S1PR5: variants seen among roughly 807,000 people sequenced by gnomAD.
S1PR5 encodes the protein sphingosine 1-phosphate receptor 5.
For synonymous variants in S1PR5, 307 were observed against 284.7 expected, an observed-to-expected ratio of 1.08 and a Z score of -0.79; for missense variants, 583 against 571.7, an observed-to-expected ratio of 1.02 and a Z score of -0.20.
At chr19:10,517,702 G>A, upstream of S1PR5, 1 of 985,670 alleles carries the variant, frequency 1.0e-6, no homozygotes, top group East Asian at 1.1e-4. Flanking sequence ...GGGAGGACTC[G>A]GAGAGGCGGG....
At chr19:10,515,050 G>T (rs1329796486) in intron 1 of S1PR5, 21 bp from the exon 2 acceptor site, 2 of 1,512,936 alleles carry the variant, frequency 1.3e-6, no homozygotes. Flanking sequence ...GGCAAGATAC[G>T]GTGTCAGGCC....
chr19:10,514,242 A>G lies in S1PR5; in HGVS notation c.770T>C (p.Leu257Pro), dbSNP rs533821555. 3 of 1,602,958 alleles carry G rather than the reference A, an allele frequency of 1.9e-6. No homozygotes were observed. Among genetic ancestry groups the G allele is most frequent in the South Asian group, 2.2e-5 (2 of 90,110 alleles). ...LALLRTLSVV[L>P]LAFVACWGPL... is the part of the protein sequence containing the mutation. ...GCCCCAACATGCCACAAAGGCCAGG[A>G]GCACCACGCTGAGCGTGCGCAGCAA... Residue 257 changes from leucine (L) to proline (P), a missense_variant, in exon 2 of 2, where the codon CTC (leucine) becomes CCC (proline). By Grantham distance (98) the Leu-to-Pro change is moderately conservative (BLOSUM62 -3). Coordinates refer to ENST00000333430, the MANE Select transcript of S1PR5 (RefSeq NM_030760.5).
rs567379303 is a variant in S1PR5, at chr19:10,514,332, G to A, written c.680C>T (p.Pro227Leu). ...GGTCCCCGCAGTCCCGGGCCGTGCC[G>A]GCAGGCGCCGCGCGTTGGCGCGTAC... ...CQVRANARRL[P>L]ARPGTAGTTS... Residue 227 changes from proline to leucine, a missense_variant, in exon 2 of 2, where the codon CCG becomes CTG. By Grantham distance (98) the Pro-to-Leu change is moderately conservative (BLOSUM62 -3). Transcript: ENST00000333430. 6 of 1,564,338 alleles carry A rather than the reference G, an allele frequency of 3.8e-6. No individual in the cohort carries two copies. The South Asian group carries it at 5.8e-5, about 15-fold the overall frequency.
In S1PR5 at chr19:10,513,997, C is replaced by T; in HGVS notation, c.1015G>A (p.Ala339Thr). The T allele has an allele frequency of 1.2e-6, 2 of 1,603,436 alleles. No individual in the cohort carries two copies. Among genetic ancestry groups the T allele is most frequent in the South Asian group, 1.1e-5 (1 of 90,480 alleles). The change falls in exon 2 of 2, where the codon GCG (alanine) becomes ACG (threonine). Residue 339 changes from alanine (A) to threonine (T), a missense_variant. By Grantham distance (58) the Ala-to-Thr change is moderately conservative. Coordinates refer to ENST00000333430, the MANE Select transcript of S1PR5 (RefSeq NM_030760.5). The stretch of plus-strand genomic sequence containing the variant: ...CCCCCGGAAGCCTCAGCCGCGCTCG[C>T]CGACTGCTGGGAGCCACTCGGGTCT... ...GRDPSGSQQSASAAEASGGLR... is the reference protein window; with the variant it reads ...GRDPSGSQQSTSAAEASGGLR...
At chr19:10,517,524 C>G (rs1214846983), upstream of S1PR5, 12 of 985,404 alleles carry the variant, frequency 1.2e-5, no homozygotes, top group African/African-American at 2.1e-4. Flanking sequence ...GGCCGGCGGT[C>G]GCCAGCAGTT....
chr19:10,515,620 C>T (rs1040129157), intron 1 of S1PR5, among the ~76,000 whole-genome samples: 9 of 151,704 alleles, frequency 5.9e-5, no homozygotes, highest in African/African-American at 2.2e-4. Context: ...CTCAAAACAC[C>T]CCCCCTCCCC....
rs1456604488 is a variant in S1PR5 at position 10,514,959 on chromosome 19, T to C, written c.53A>G (p.His18Arg). ...PAPVSEVIVL[H>R]YNYTGKLRGA... ...GCGGAGCTTGCCGGTGTAGTTGTAA[T>C]GCAGGACGATGACCTCGCTCACCGG... Residue 18 changes from histidine (H) to arginine (R), a missense_variant, in exon 2 of 2, where the codon CAT becomes CGT. Coordinates refer to ENST00000333430, the MANE Select transcript of S1PR5 (RefSeq NM_030760.5). 2 of 1,598,278 alleles carry C rather than the reference T, an allele frequency of 1.3e-6. No homozygotes were observed. The highest frequency in any genetic ancestry group is 1.7e-5 in the Admixed American group (1 of 59,346).
rs758065591 is a variant in S1PR5 at position 10,513,808 on chromosome 19, G to T, written c.*7C>A. 1.2e-6 allele frequency: 2 copies of T among 1,611,972 alleles called. No homozygotes were observed. The highest frequency in any genetic ancestry group is 2.2e-5 in the East Asian group (1 of 44,786). On this transcript the variant is annotated 3_prime_UTR_variant, in exon 2 of 2. Coordinates refer to ENST00000333430, the MANE Select transcript of S1PR5 (RefSeq NM_030760.5). ...AAACTTGGGAAGACAGTCGTGGGCC[G>T]AGGGTGTCAGTCTGCAGCCGGTTCT...
chr19:10,517,530 CA>C, upstream of S1PR5: 1 of 985,372 alleles, frequency 1.0e-6, no homozygotes. Context: ...CGGTCGCCAG[CA>C]GTTGCCCCCT....
Position 10,513,976 on chromosome 19 carries a change from C to T in S1PR5, c.1036G>A (p.Gly346Arg). The change falls in exon 2 of 2, where the codon GGG becomes AGG. Residue 346 changes from glycine to arginine, a missense_variant. Gly to Arg is a moderately radical substitution (Grantham distance 125). Transcript: ENST00000333430. The stretch of plus-strand genomic sequence containing the variant: ...GGGGGCAGGCAGCGGCGCAGGCCCC[C>T]GGAAGCCTCAGCCGCGCTCGCCGAC... ...QQSASAAEAS[G>R]GLRRCLPPGL... 6.2e-7 allele frequency: 1 copy of T among 1,600,028 alleles called. No homozygotes were observed.
At chr19:10,515,422 T>C (rs531250816) in intron 1 of S1PR5, among the ~76,000 whole-genome samples, 13 of 152,042 alleles carry the variant, frequency 8.6e-5, no homozygotes, top group African/African-American at 1.4e-4. Flanking sequence ...CCATCCTGGC[T>C]AACACGGTGA....
Position 10,514,316 on chromosome 19 carries a change from A to C in S1PR5, c.696T>G (p.Thr232=). The change falls in exon 2 of 2, where the codon ACT becomes ACG. Residue 232 remains threonine (T), a synonymous_variant. Transcript: ENST00000333430. ...NARRLPARPG[T]AGTTSTRARR... Reference sequence around the variant, plus strand: ...GCGCCCGGGTCGAGGTGGTCCCCGCAGTCCCGGGCCGTGCCGGCAGGCGCC... The same window carrying C: ...GCGCCCGGGTCGAGGTGGTCCCCGCCGTCCCGGGCCGTGCCGGCAGGCGCC... The C allele has an allele frequency of 5.7e-6, 9 of 1,567,072 alleles. No individual in the cohort carries two copies. Among genetic ancestry groups the C allele is most frequent in the Non-Finnish European group, 6.9e-6 (8 of 1,156,860 alleles).
rs755916366 is a variant in S1PR5, at chr19:10,514,438, C to T, written c.574G>A (p.Ala192Thr). 4 of 1,609,806 alleles carry T rather than the reference C, an allele frequency of 2.5e-6. No individual in the cohort carries two copies. The Admixed American group carries it at 5.0e-5, about 20-fold the overall frequency. ...CSTVLPLYAK[A>T]YVLFCVLAFV... Reference sequence around the variant, plus strand: ...GCGAGCACGCAGAAGAGCACGTAGGCCTTGGCGTAGAGCGGCAAGACAGTG... The same window carrying T: ...GCGAGCACGCAGAAGAGCACGTAGGTCTTGGCGTAGAGCGGCAAGACAGTG... The change falls in exon 2 of 2, where the codon GCC becomes ACC. Residue 192 changes from alanine to threonine, a missense_variant. Transcript: ENST00000333430.
chr19:10,514,049 G>A lies in S1PR5; in HGVS notation c.963C>T (p.Val321=). Residue 321 remains valine (V), a synonymous_variant, in exon 2 of 2, where the codon GTC becomes GTT. Coordinates refer to ENST00000333430, the MANE Select transcript of S1PR5 (RefSeq NM_030760.5). ...TGCCGCAGGAGTGGCGTCCGCAGCA[G>A]ACCAGGCGCAGGAGCGCGTGGCGCA... ...RDLRHALLRL[V]CCGRHSCGRD... is the part of the protein sequence containing the mutation. 6.2e-7 allele frequency: 1 copy of A among 1,612,092 alleles called. No individual in the cohort carries two copies. The highest frequency in any genetic ancestry group is 8.5e-7 in the Non-Finnish European group (1 of 1,179,700).
At chr19:10,517,733 G>C, upstream of S1PR5, 1 of 982,590 alleles carries the variant, frequency 1.0e-6, no homozygotes, top group Non-Finnish European at 1.2e-6. Flanking sequence ...TTCTGCAGCA[G>C]GGCGGTCGCA....
rs1056746095 is a variant in S1PR5 at position 10,513,725 on chromosome 19, A to T, written c.*90T>A. On this transcript the variant is annotated 3_prime_UTR_variant, in exon 2 of 2. Coordinates refer to ENST00000333430, the MANE Select transcript of S1PR5 (RefSeq NM_030760.5). ...ATACATTTCCCCTGCATCTTTTCCG[A>T]CTGCACCTTTGGCTGCATTTCCTAC... 2 of 1,527,684 alleles carry T rather than the reference A, an allele frequency of 1.3e-6. No individual in the cohort carries two copies. Among genetic ancestry groups the T allele is most frequent in the Non-Finnish European group, 1.8e-6 (2 of 1,129,956 alleles). 94.6% of individuals were successfully genotyped at this position (1,527,684 alleles called of 1,614,324 possible).
At chr19:10,515,077 C>G (rs780541041) in intron 1 of S1PR5, 48 bp from the exon 2 acceptor site, 8 of 1,503,816 alleles carry the variant, frequency 5.3e-6, no homozygotes, top group Non-Finnish European at 6.2e-6. Flanking sequence ...CCCGTAAGCA[C>G]GCTCGCAGCA....
chr19:10,513,884 G>A lies in S1PR5; in HGVS notation c.1128C>T (p.Ser376=), dbSNP rs1403951008. 3 of 1,611,272 alleles carry A rather than the reference G, an allele frequency of 1.9e-6. No homozygotes were observed. Among genetic ancestry groups the A allele is most frequent in the East Asian group, 4.5e-5 (2 of 44,806 alleles). The change falls in exon 2 of 2, where the codon AGC becomes AGT. Residue 376 remains serine (S), a synonymous_variant. Transcript: ENST00000333430. ...GTGCACCGGGGCTGCCTGTGGAGCC[G>A]CTGGTGTCCAGCCCGTCGCGCTGGG... ...SSPQRDGLDT[S]GSTGSPGAPT...
chr19:10,515,210 T>A (rs1166911648), intron 1 of S1PR5, among the ~76,000 whole-genome samples, 181 bp from the exon 2 acceptor site: 1 of 151,912 alleles, frequency 6.6e-6, no homozygotes, highest in African/African-American at 2.4e-5. Flanking sequence ...ACAAATAATA[T>A]CACGAGGGAA....
Sources: allele counts gnomAD v4.1 joint callset (sites outside exome capture counted in the v4.1 genomes callset), GRCh38; gene constraint gnomAD v4.1.1; transcripts MANE v1.5; gene names NCBI Gene and HGNC (gene_info 2026-07-23, HGNC 2026-07-21).